Variants in PPP1CC observed in about 807,000 individuals in gnomAD.
The protein encoded by PPP1CC is serine/threonine-protein phosphatase PP1-gamma catalytic subunit.
Under a neutral mutation model 38.4 loss-of-function variants are expected in PPP1CC, and 16 were observed. The ratio of observed to expected loss-of-function variants is 0.42; its 90% CI spans 0.28 to 0.63. The LOEUF (loss-of-function observed/expected upper bound fraction) is 0.63. Among genes scored for constraint, PPP1CC ranks in the 30% least tolerant of loss-of-function variants. The pLI is 0.25. For synonymous variants in PPP1CC, 158 were observed against 136.0 expected (o/e 1.16, Z -1.13); for missense variants, 170 against 391.3 (o/e 0.43, Z 4.77).
chr12:110,724,051 A>C (rs1273293866), intron 4 of PPP1CC, among the ~76,000 whole-genome samples: 5 of 151,820 alleles, frequency 3.3e-5, no homozygotes, highest in African/African-American at 1.2e-4. Flanking sequence ...ATCCTGGCTA[A>C]CACGGTGAAG....
In PPP1CC at chr12:110,719,914, TTCA is replaced by T. The variant is rs1199739027; in HGVS notation, c.*1159_*1161del. The T allele has an allele frequency of 2.0e-6, 1 of 497,410 alleles. No homozygotes were observed. Among genetic ancestry groups the T allele is most frequent in the Non-Finnish European group, 3.5e-6 (1 of 282,226 alleles). 30.8% of individuals were successfully genotyped at this position (497,410 alleles called of 1,614,324 possible). On this transcript the variant is annotated 3_prime_UTR_variant, in exon 7 of 7. Coordinates refer to ENST00000335007, the MANE Select transcript of PPP1CC (RefSeq NM_002710.4). ...ATAGACACTGAGAAGATTTAACAAG[TTCA>T]TCATTTAATAAGTCTGAATTCATTT...
chr12:110,711,536 C>T, the PPP1CC span, among the ~76,000 whole-genome samples: 148 of 152,198 alleles, frequency 9.7e-4, 1 homozygote, highest in African/African-American at 3.4e-3. Flanking sequence ...GGTACGCACA[C>T]GGGCTCTTAA....
At position 110,742,749 on chromosome 12, in the gene PPP1CC, G is replaced by A. The variant is rs200751024; in HGVS notation, c.-42C>T. 8.1e-5 allele frequency: 111 copies of A among 1,369,718 alleles called. No homozygotes were observed. The highest frequency in any genetic ancestry group is 3.0e-5 in the African/African-American group (2 of 66,594). 84.8% of individuals were successfully genotyped at this position (1,369,718 alleles called of 1,614,324 possible). On this transcript the variant is annotated 5_prime_UTR_variant, in exon 1 of 7. Transcript: ENST00000335007. ...ACCCTCCCGCAGCGGCGCCGCCGCC[G>A]GCTCGCGCCCGGGACTCACACCTCC...
intron 1 of PPP1CC, among the ~76,000 whole-genome samples, chr12:110,740,319 C>A (rs1470392017): frequency 1.3e-5 from 2 of 152,120 alleles, no homozygotes; most frequent in Admixed American, 6.5e-5. Context: ...GGCACGGTGG[C>A]TCATGACTAT....
intron 1 of PPP1CC, among the ~76,000 whole-genome samples, chr12:110,734,237 T>C (rs116267203): frequency 0.018 from 2,673 of 152,298 alleles, 83 homozygotes; most frequent in African/African-American, 0.06. Flanking sequence ...ACACCAGCCA[T>C]AGCCAGCACA....
intron 1 of PPP1CC, among the ~76,000 whole-genome samples, chr12:110,734,199 C>A (rs778548073): frequency 3.3e-5 from 5 of 152,150 alleles, no homozygotes; most frequent in Non-Finnish European, 7.3e-5. Flanking sequence ...GAATGTAAAC[C>A]CACAGCAGCA....
chr12:110,708,992 G>A, the PPP1CC span, among the ~76,000 whole-genome samples: 64 of 152,080 alleles, frequency 4.2e-4, no homozygotes, highest in Admixed American at 1.2e-3. Context: ...AATTCAGGCC[G>A]CAGAGAATCC....
At chr12:110,728,988 A>C (rs2069841107) in intron 3 of PPP1CC, among the ~76,000 whole-genome samples, 1 of 152,190 alleles carries the variant, frequency 6.6e-6, no homozygotes, top group African/African-American at 2.4e-5. Flanking sequence ...GATGTGGTCT[A>C]GGGGAGGGCC....
intron 4 of PPP1CC, among the ~76,000 whole-genome samples, chr12:110,723,916 C>T (rs540339336): frequency 1.3e-5 from 2 of 152,254 alleles, no homozygotes; most frequent in Non-Finnish European, 2.9e-5. Context: ...TCTGGCACAA[C>T]AAATTACACA....
At position 110,742,878 on chromosome 12, in the gene PPP1CC, G is replaced by A. The variant is rs1186853463; in HGVS notation, c.-171C>T. 1.4e-5 allele frequency: 6 copies of A among 431,130 alleles called. No individual in the cohort carries two copies. Among genetic ancestry groups the A allele is most frequent in the East Asian group, 3.6e-5 (1 of 27,926 alleles). 26.7% of individuals were successfully genotyped at this position (431,130 alleles called of 1,614,324 possible). A position where few individuals can be genotyped will look rare whatever the true frequency, so the allele number is the denominator to read the frequency against. On this transcript the variant is annotated 5_prime_UTR_variant, in exon 1 of 7. Transcript: ENST00000335007. The stretch of plus-strand genomic sequence containing the variant: ...CCTACTTCCTCCTTCTCTCCCCACT[G>A]GAACCACGAGAAGAACAAAATGGCC...
chr12:110,733,155 C>T (rs2069900188), intron 1 of PPP1CC, among the ~76,000 whole-genome samples: 1 of 152,174 alleles, frequency 6.6e-6, no homozygotes, highest in Non-Finnish European at 1.5e-5. Context: ...TCAGGAAATA[C>T]TCCCGGTGAA....
At chr12:110,728,415 C>CAAAAA (rs1310771123) in intron 3 of PPP1CC, among the ~76,000 whole-genome samples, 1 of 139,514 alleles carries the variant, frequency 7.2e-6, no homozygotes, top group African/African-American at 2.6e-5. Flanking sequence ...AAAAAAAAAA[C>CAAAAA]AAAAAACAAA....
the PPP1CC span, among the ~76,000 whole-genome samples, chr12:110,710,915 G>A: frequency 4.0e-5 from 6 of 151,834 alleles, no homozygotes; most frequent in African/African-American, 1.2e-4. Flanking sequence ...GCTGACGTCT[G>A]TAATCCCAGC....
rs375400463 is a variant in PPP1CC, at chr12:110,733,824, G to A, written c.56-1923C>T. ...TAAGATTAGATGCAGCTTTTCCAGA[G>A]AAAATAAAGATTTGTATTTAAAGAA... is the stretch of plus-strand genomic sequence containing the variant. On this transcript the variant is annotated intron_variant, in intron 1 of 6. Transcript: ENST00000335007. Among the ~76,000 whole-genome samples the A allele has an allele frequency of 5.9e-5, 9 of 152,168 alleles. No homozygotes were observed. The East Asian group carries it at 1.7e-3, about 29-fold the overall frequency.
chr12:110,716,249 A>C (rs1009258900), downstream of PPP1CC, among the ~76,000 whole-genome samples: 2 of 152,140 alleles, frequency 1.3e-5, no homozygotes, highest in Non-Finnish European at 2.9e-5. Flanking sequence ...TGCATGCCTT[A>C]TATTTTAAAA....
chr12:110,722,181 G>A lies in PPP1CC; in HGVS notation c.836C>T (p.Ala279Val). The A allele has an allele frequency of 6.2e-7, 1 of 1,614,168 alleles. No homozygotes were observed. Among genetic ancestry groups the A allele is most frequent in the Non-Finnish European group, 8.5e-7 (1 of 1,180,012 alleles). Residue 279 changes from alanine (A) to valine (V), a missense_variant, in exon 6 of 7, where the codon GCA becomes GTA. By Grantham distance (64) the Ala-to-Val change is moderately conservative. Coordinates refer to ENST00000335007, the MANE Select transcript of PPP1CC (RefSeq NM_002710.4). The surrounding 1 kb of genome is among the most constrained non-coding windows in gnomAD (Gnocchi z 5.4). Reference sequence around the variant, plus strand: ...TTCATCCACACTCATCATGGCACCTGCATTGTCAAACTCTCCGCAATAATT... The same window carrying A: ...TTCATCCACACTCATCATGGCACCTACATTGTCAAACTCTCCGCAATAATT... ...APNYCGEFDN[A>V]GAMMSVDETL...
At chr12:110,736,239 T>A (rs2069943412) in intron 1 of PPP1CC, among the ~76,000 whole-genome samples, 2 of 152,346 alleles carry the variant, frequency 1.3e-5, no homozygotes, top group Admixed American at 1.3e-4. Context: ...AAAGCGAAGG[T>A]TGCTCTGTAG....
chr12:110,709,553 G>T, the PPP1CC span, among the ~76,000 whole-genome samples: 4 of 151,008 alleles, frequency 2.6e-5, no homozygotes, highest in Non-Finnish European at 4.4e-5. Context: ...AGAAGGCCAT[G>T]GGGTCAAATA....
At chr12:110,711,149 G>A in the PPP1CC span, among the ~76,000 whole-genome samples, 2 of 151,944 alleles carry the variant, frequency 1.3e-5, no homozygotes, top group African/African-American at 4.8e-5. Context: ...TTCCAGCCTG[G>A]GCGACAGAGT....
Sources: allele counts gnomAD v4.1 joint callset (sites outside exome capture counted in the v4.1 genomes callset), GRCh38; gene constraint gnomAD v4.1.1; non-coding constraint Gnocchi (gnomAD v3.1); transcripts MANE v1.5; gene names NCBI Gene and HGNC (gene_info 2026-07-23, HGNC 2026-07-21).